NDC80: variants seen among roughly 807,000 people sequenced by gnomAD.
NDC80 encodes the protein NDC80 kinetochore complex component.
In NDC80, 69 loss-of-function variants were observed where a neutral mutation model predicts 89.3. The ratio of observed to expected loss-of-function variants is 0.77; its 90% CI spans 0.64 to 0.94. The LOEUF (loss-of-function observed/expected upper bound fraction) is 0.94. Ranked by LOEUF, NDC80 falls within the 40% of genes least tolerant of loss-of-function variation. NDC80 has a pLI of 0.00. For synonymous variants in NDC80, 243 were observed against 255.6 expected, an observed-to-expected ratio of 0.95 and a Z score of 0.47; for missense variants, 593 against 739.6, an observed-to-expected ratio of 0.80 and a Z score of 2.30.
At chr18:2,604,847 A>G (rs1197162431) in intron 13 of NDC80, among the ~76,000 whole-genome samples, 1 of 152,180 alleles carries the variant, frequency 6.6e-6, no homozygotes, top group Non-Finnish European at 1.5e-5. Flanking sequence ...ATTTATAAGT[A>G]AGGAAATAAC....
At chr18:2,610,013 C>T (rs1028121205) in intron 15 of NDC80, among the ~76,000 whole-genome samples, 1 of 152,084 alleles carries the variant, frequency 6.6e-6, no homozygotes, top group Non-Finnish European at 1.5e-5. Context: ...TCAAATTATA[C>T]GTTGTCAGGA....
chr18:2,611,007 T>C (rs542637059), intron 16 of NDC80, 146 bp downstream of exon 16: 1 of 438,244 alleles, frequency 2.3e-6, no homozygotes, highest in Admixed American at 4.4e-5. Flanking sequence ...GAATCTTGTC[T>C]AGTGATGTGG....
At chr18:2,583,276 T>C (rs764555065) in intron 6 of NDC80, among the ~76,000 whole-genome samples, 28 of 152,210 alleles carry the variant, frequency 1.8e-4, no homozygotes, top group Non-Finnish European at 2.9e-4. Flanking sequence ...TCTCCTTGAA[T>C]CTTGCAAAGT....
At chr18:2,604,107 G>A (rs2072698224) in intron 13 of NDC80, among the ~76,000 whole-genome samples, 1 of 151,886 alleles carries the variant, frequency 6.6e-6, no homozygotes, top group Admixed American at 6.5e-5. Context: ...TACTGTAATA[G>A]ATGGTGATAC....
chr18:2,612,828 T>A (rs776014238), intron 16 of NDC80, among the ~76,000 whole-genome samples: 17 of 152,214 alleles, frequency 1.1e-4, no homozygotes, highest in Non-Finnish European at 1.6e-4. Context: ...CTATGCAAAA[T>A]TTATGATTAA....
chr18:2,599,092 C>G lies in NDC80; in HGVS notation c.1295C>G (p.Ser432Cys). Residue 432 changes from serine (S) to cysteine (C), a missense_variant, in exon 12 of 17, where the codon TCC becomes TGC. Ser to Cys is a moderately radical substitution (Grantham distance 112). Transcript: ENST00000261597. ...CTTATTCCTAAAGGTGCTGAGAATTCCAAAGGTTATGACTTTGAAATTAAG... is the reference window on the plus strand; with the variant it reads ...CTTATTCCTAAAGGTGCTGAGAATTGCAAAGGTTATGACTTTGAAATTAAG... ...LKLIPKGAENSKGYDFEIKFN... is the reference protein window; with the variant it reads ...LKLIPKGAENCKGYDFEIKFN... 1 of 1,612,752 alleles carries G rather than the reference C, an allele frequency of 6.2e-7. No individual in the cohort carries two copies.
intron 12 of NDC80, 72 bp from the exon 13 acceptor site, chr18:2,601,324 G>A (rs1336479239): frequency 1.7e-6 from 1 of 604,206 alleles, no homozygotes; most frequent in Non-Finnish European, 2.7e-6. Flanking sequence ...CTATCACAGT[G>A]TGTAGATGCT....
chr18:2,598,121 A>G (rs959583571), intron 11 of NDC80, among the ~76,000 whole-genome samples: 1 of 152,192 alleles, frequency 6.6e-6, no homozygotes, highest in African/African-American at 2.4e-5. Context: ...TTTGAGATCT[A>G]ATGCATTTTT....
chr18:2,595,617 A>G lies in NDC80; in HGVS notation c.1217A>G (p.Glu406Gly). 1 of 1,612,902 alleles carries G rather than the reference A, an allele frequency of 6.2e-7. No individual in the cohort carries two copies. Among genetic ancestry groups the G allele is most frequent in the Non-Finnish European group, 8.5e-7 (1 of 1,179,288 alleles). ...GAGTTAAAATATGCCAGAGGCAAAG[A>G]AGCGGTATGTCATACCATTTCCAGA... ...NEELKYARGK[E>G]AIETQLAEYH... Residue 406 changes from glutamate (E) to glycine (G), a missense_variant, in exon 11 of 17, where the codon GAA becomes GGA. Glu to Gly is a moderately conservative substitution (Grantham distance 98, BLOSUM62 -2). Transcript: ENST00000261597.
intron 15 of NDC80, among the ~76,000 whole-genome samples, chr18:2,609,635 A>T (rs555604154): frequency 2.0e-3 from 300 of 152,358 alleles, no homozygotes; most frequent in African/African-American, 6.8e-3. Flanking sequence ...ACCCTTCATA[A>T]TAAAAAGACC....
At chr18:2,608,902 C>T in intron 15 of NDC80, 72 bp downstream of exon 15, 2 of 1,489,572 alleles carry the variant, frequency 1.3e-6, no homozygotes, top group Non-Finnish European at 9.1e-7. Flanking sequence ...AAAATTAGAT[C>T]TATTTTTATT....
At position 2,595,586 on chromosome 18, in the gene NDC80, A is replaced by T; in HGVS notation, c.1186A>T (p.Asn396Tyr). Residue 396 changes from asparagine (N) to tyrosine (Y), a missense_variant, in exon 11 of 17, where the codon AAT (asparagine) becomes TAT (tyrosine). Transcript: ENST00000261597. The stretch of plus-strand genomic sequence containing the variant: ...GGAAGCTGAACAACAGAAGTTGTGG[A>T]ATGAGGAGTTAAAATATGCCAGAGG... ...DLEAEQQKLW[N>Y]EELKYARGKE... 6.2e-7 allele frequency: 1 copy of T among 1,613,704 alleles called. No homozygotes were observed. The highest frequency in any genetic ancestry group is 8.5e-7 in the Non-Finnish European group (1 of 1,179,718).
chr18:2,597,833 G>A (rs2072665218), intron 11 of NDC80, among the ~76,000 whole-genome samples: 1 of 152,184 alleles, frequency 6.6e-6, no homozygotes, highest in African/African-American at 2.4e-5. Context: ...GAGGGAGGAA[G>A]TGGTTGCCCT....
At chr18:2,587,263 A>G (rs904898604) in intron 7 of NDC80, among the ~76,000 whole-genome samples, 1 of 152,244 alleles carries the variant, frequency 6.6e-6, no homozygotes, top group Non-Finnish European at 1.5e-5. Flanking sequence ...TCATGAATGC[A>G]AAATATAGTG....
chr18:2,593,455 T>C (rs1897421253), intron 10 of NDC80, among the ~76,000 whole-genome samples: 3 of 152,214 alleles, frequency 2.0e-5, no homozygotes, highest in South Asian at 2.1e-4. Flanking sequence ...TTTTACCTCA[T>C]TGAAGTTGAA....
Position 2,588,008 on chromosome 18 carries a change from T to G in NDC80, c.763+85T>G, listed in dbSNP as rs139274037. The G allele has an allele frequency of 3.7e-4, 366 of 992,714 alleles. No individual in the cohort carries two copies. The African/African-American group carries it at 5.3e-3, about 14-fold the overall frequency. The allele number at this position is 992,714 out of a possible 1,614,324, so 61.5% of individuals were successfully genotyped here. On this transcript the variant is annotated intron_variant, in intron 8 of 16. Coordinates refer to ENST00000261597, the MANE Select transcript of NDC80 (RefSeq NM_006101.3). ...GTAATTTATTTACCATATCCAGTGT[T>G]CATATGAGCTACTTACTTTAAATGT...
chr18:2,616,490 G>A lies in NDC80; in HGVS notation c.1845G>A (p.Met615Ile). 6.5e-7 allele frequency: 1 copy of A among 1,538,090 alleles called. No individual in the cohort carries two copies. Among genetic ancestry groups the A allele is most frequent in the Non-Finnish European group, 8.8e-7 (1 of 1,133,936 alleles). The change falls in exon 17 of 17, where the codon ATG becomes ATA. Residue 615 changes from methionine to isoleucine, a missense_variant. Transcript: ENST00000261597. ...TTGATAGAGAATATGAAGAATGCAT[G>A]TCAGAAGATCTCTCGGAAAATATTA... ...AKVDREYEECMSEDLSENIKE... is the reference protein window; with the variant it reads ...AKVDREYEECISEDLSENIKE...
chr18:2,580,731 ATTTTTTTTTTTT>A (rs71365186), intron 6 of NDC80, among the ~76,000 whole-genome samples: 1,780 of 55,526 alleles, frequency 0.032, 59 homozygotes, highest in African/African-American at 0.088. Context: ...TCACCATCAG[ATTTTTTTTTTTT>A]TTTTTTTTTT....
rs770450585 is a variant in NDC80, at chr18:2,616,474, A to T, written c.1829A>T (p.Glu610Val). The T allele has an allele frequency of 3.2e-5, 49 of 1,540,028 alleles. No homozygotes were observed. Among genetic ancestry groups the T allele is most frequent in the Non-Finnish European group, 3.9e-5 (44 of 1,136,638 alleles). The change falls in exon 17 of 17, where the codon GAA becomes GTA. Residue 610 changes from glutamate to valine, a missense_variant. Glu to Val is a moderately radical substitution (Grantham distance 121). Coordinates refer to ENST00000261597, the MANE Select transcript of NDC80 (RefSeq NM_006101.3). ...LEEQIAKVDREYEECMSEDLS... is the reference protein window; with the variant it reads ...LEEQIAKVDRVYEECMSEDLS... ...GAGCAGATTGCTAAAGTTGATAGAG[A>T]ATATGAAGAATGCATGTCAGAAGAT...
Sources: gnomAD v4.1 joint callset for allele counts (sites outside exome capture counted in the v4.1 genomes callset) on GRCh38, gnomAD v4.1.1 for gene constraint, MANE v1.5 for transcripts, NCBI Gene and HGNC (gene_info 2026-07-23, HGNC 2026-07-21) for gene names.